Variants in CLK3 observed in about 807,000 individuals in gnomAD.
CLK3 encodes CDC like kinase 3, also known as dual specificity protein kinase CLK3.
In CLK3, 24 loss-of-function variants were observed where a neutral mutation model predicts 65.2. The observed-to-expected ratio is 0.37, with a 90% CI of 0.27 to 0.52. The LOEUF (loss-of-function observed/expected upper bound fraction) is 0.52. CLK3 is among the 20% of genes least tolerant of loss of function. The pLI is 0.92. For missense variants in CLK3, 506 were observed against 660.0 expected (o/e 0.77, Z 2.56); for synonymous variants, 252 against 240.8 (o/e 1.05, Z -0.43).
At chr15:74,619,103 G>T (rs1217575048) in intron 1 of CLK3, 94 bp from the exon 2 acceptor site, 4 of 1,486,604 alleles carry the variant, frequency 2.7e-6, no homozygotes, top group Non-Finnish European at 3.7e-6. Context: ...AGAACAATGG[G>T]CCTCTTCAGG....
At chr15:74,615,589 C>T (rs1212366306), upstream of CLK3, 11 of 1,263,612 alleles carry the variant, frequency 8.7e-6, no homozygotes, top group Non-Finnish European at 1.0e-5. Flanking sequence ...GGGCCGCGCA[C>T]CTGTCAGGTC....
In CLK3 at chr15:74,628,699, G is replaced by T; in HGVS notation, c.1205+16G>T. On this transcript the variant is annotated intron_variant, in intron 11 of 12. Transcript: ENST00000395066. ...ACCGTACCAGGTAAGGACCCCAGTA[G>T]CCCCCTCAGGGTTGGTATAGAGGCC... 6.2e-7 allele frequency: 1 copy of T among 1,602,664 alleles called. No homozygotes were observed.
intron 1 of CLK3, among the ~76,000 whole-genome samples, chr15:74,617,599 A>G (rs1178498906): frequency 6.6e-6 from 1 of 152,246 alleles, no homozygotes; most frequent in African/African-American, 2.4e-5. Context: ...TTTGTTTTCC[A>G]TTGATGTGAA....
rs1329165149 is a variant in CLK3 at position 74,622,122 on chromosome 15, A to G, written c.372A>G (p.Arg124=). The change falls in exon 4 of 13, where the codon AGA becomes AGG. Residue 124 remains arginine, a splice_region_variant and synonymous_variant. Coordinates refer to ENST00000395066, the MANE Select transcript of CLK3 (RefSeq NM_001130028.2). The surrounding 1 kb of genome is among the most constrained non-coding windows in gnomAD (Gnocchi z 4.6). Reference sequence around the variant, plus strand: ...GTTTCGGGGGGCGGTGCATGCAGAGAAGCCAACAGAGCAGTAAGCGCAGCA... The same window carrying G: ...GTTTCGGGGGGCGGTGCATGCAGAGGAGCCAACAGAGCAGTAAGCGCAGCA... ...RTRSCSSASS[R]SQQSSKRSSR... 1 of 1,614,004 alleles carries G rather than the reference A, an allele frequency of 6.2e-7. No individual in the cohort carries two copies. Among genetic ancestry groups the G allele is most frequent in the African/African-American group, 1.3e-5 (1 of 74,934 alleles).
upstream of CLK3, chr15:74,615,499 G>C: frequency 7.6e-7 from 1 of 1,310,382 alleles, no homozygotes; most frequent in Non-Finnish European, 9.7e-7. Context: ...CGGACCACGC[G>C]GGGTCGGGGC....
At chr15:74,615,189 C>G, upstream of CLK3, 1 of 383,822 alleles carries the variant, frequency 2.6e-6, no homozygotes, top group Non-Finnish European at 4.6e-6. Flanking sequence ...CGGCAGGAAG[C>G]CGCTCCACAG....
chr15:74,621,828 C>T lies in CLK3; in HGVS notation c.370-292C>T, dbSNP rs2062105939. On this transcript the variant is annotated intron_variant, in intron 3 of 12. Coordinates refer to ENST00000395066, the MANE Select transcript of CLK3 (RefSeq NM_001130028.2). The surrounding 1 kb of genome is among the most constrained non-coding windows in gnomAD (Gnocchi z 4.8). ...AGCAGAGGCAGGTCATCTTCCTGAG[C>T]GTTTGTGGCGCTCCTCTTAAAGATA... is the stretch of plus-strand genomic sequence containing the variant. 2 of 405,048 alleles carry T rather than the reference C, an allele frequency of 4.9e-6. No homozygotes were observed. Among genetic ancestry groups the T allele is most frequent in the Admixed American group, 3.0e-5 (1 of 32,836 alleles). The allele number at this position is 405,048 out of a possible 1,614,324, so 25.1% of individuals were successfully genotyped here.
chr15:74,609,821 T>C (rs2061965178), intron 1 of CLK3, among the ~76,000 whole-genome samples: 1 of 152,212 alleles, frequency 6.6e-6, no homozygotes, highest in Non-Finnish European at 1.5e-5. Flanking sequence ...CACACTGGGG[T>C]GGTCTTGGCA....
chr15:74,612,934 C>T (rs1434672078), upstream of CLK3, among the ~76,000 whole-genome samples: 1 of 152,192 alleles, frequency 6.6e-6, no homozygotes, highest in Non-Finnish European at 1.5e-5. Flanking sequence ...CAGCTTGGTC[C>T]GGGAGGGGCT....
At chr15:74,628,202 G>A (rs1453309550) in intron 10 of CLK3, 150 bp downstream of exon 10, 10 of 659,080 alleles carry the variant, frequency 1.5e-5, no homozygotes, top group Non-Finnish European at 2.2e-5. Context: ...CTTTAAGGAT[G>A]TAGATGCTAA....
Position 74,620,229 on chromosome 15 carries a change from A to AGTG in CLK3, c.369+7_369+9dup, listed in dbSNP as rs775615815. 2 of 1,613,782 alleles carry AGTG rather than the reference A, an allele frequency of 1.2e-6. No individual in the cohort carries two copies. Among genetic ancestry groups the AGTG allele is most frequent in the Non-Finnish European group, 1.7e-6 (2 of 1,179,916 alleles). On this transcript the variant is annotated splice_donor_region_variant and intron_variant, in intron 3 of 12. Transcript: ENST00000395066. ...GTCTTGTAGCAGCGCCTCCTCGGTGAGTGGTAGCCAGAGTGTGCTGGCTGG... is the reference window on the plus strand; with the variant it reads ...GTCTTGTAGCAGCGCCTCCTCGGTGAGTGGTGGTAGCCAGAGTGTGCTGGCTGG...
At chr15:74,619,485 C>A in intron 2 of CLK3, 137 bp downstream of exon 2, 1 of 884,714 alleles carries the variant, frequency 1.1e-6, no homozygotes, top group Non-Finnish European at 1.7e-6. Flanking sequence ...TGGGCTCCTC[C>A]ACTAACCTCA....
chr15:74,615,480 G>A, upstream of CLK3: 6 of 1,314,246 alleles, frequency 4.6e-6, no homozygotes, highest in Non-Finnish European at 5.8e-6. Flanking sequence ...GCGCGCAGGA[G>A]GGAGTTGGCG....
intron 10 of CLK3, 71 bp from the exon 11 acceptor site, chr15:74,628,533 T>G: frequency 8.7e-7 from 1 of 1,150,518 alleles, no homozygotes; most frequent in Non-Finnish European, 1.3e-6. Context: ...CCCATCTTTC[T>G]TGTTCCTTTT....
intron 6 of CLK3, among the ~76,000 whole-genome samples, chr15:74,625,434 G>T (rs919251444): frequency 6.6e-6 from 1 of 152,172 alleles, no homozygotes; most frequent in South Asian, 2.1e-4. Context: ...AGCAGAGTGA[G>T]CAAGTGGAGA....
chr15:74,627,919 G>A lies in CLK3; in HGVS notation c.1043-51G>A, dbSNP rs781068369. The A allele has an allele frequency of 1.5e-5, 21 of 1,440,560 alleles. No homozygotes were observed. The African/African-American group carries it at 2.7e-4, about 18-fold the overall frequency. The allele number at this position is 1,440,560 out of a possible 1,614,324, so 89.2% of individuals were successfully genotyped here. On this transcript the variant is annotated intron_variant, in intron 9 of 12. Coordinates refer to ENST00000395066, the MANE Select transcript of CLK3 (RefSeq NM_001130028.2). This position sits in a 1 kb window ranked among gnomAD's most constrained non-coding sequence, Gnocchi z 4.3. ...GTGGTGGCTGCCTTGTGACTTCCAG[G>A]CTGGAAGCATAAGGCCGGATCTCAC...
chr15:74,629,995 A>G lies in CLK3; in HGVS notation c.*112A>G, dbSNP rs527841776. ...CCAGAGCCACCCAATGAACAGTGCA[A>G]TGTGAAGGAAGGCAGGAGCCTGCAG... On this transcript the variant is annotated 3_prime_UTR_variant, in exon 13 of 13. Transcript: ENST00000395066. 8 of 1,064,816 alleles carry G rather than the reference A, an allele frequency of 7.5e-6. No individual in the cohort carries two copies. The Admixed American group carries it at 1.1e-4, about 15-fold the overall frequency. The allele number at this position is 1,064,816 out of a possible 1,614,324, so 66.0% of individuals were successfully genotyped here. A position where few individuals can be genotyped will look rare whatever the true frequency, so the allele number is the denominator to read the frequency against.
intron 10 of CLK3, 83 bp downstream of exon 10, chr15:74,628,135 T>C: frequency 2.2e-6 from 2 of 903,438 alleles, no homozygotes; most frequent in Non-Finnish European, 3.7e-6. Flanking sequence ...AAGCCCCACA[T>C]GGATGAGAAG....
At chr15:74,609,312 G>C (rs1036509376) in intron 1 of CLK3, among the ~76,000 whole-genome samples, 1 of 152,216 alleles carries the variant, frequency 6.6e-6, no homozygotes, top group Non-Finnish European at 1.5e-5. Flanking sequence ...TCCAGGCTAC[G>C]ACTCTGGACC....
Sources: allele counts gnomAD v4.1 joint callset (sites outside exome capture counted in the v4.1 genomes callset), GRCh38; gene constraint gnomAD v4.1.1; non-coding constraint Gnocchi (gnomAD v3.1); transcripts MANE v1.5; gene names NCBI Gene and HGNC (gene_info 2026-07-23, HGNC 2026-07-21).